Variants in PTK7 observed in about 807,000 individuals in gnomAD.
The protein encoded by PTK7 is inactive tyrosine-protein kinase 7.
In PTK7, 39 loss-of-function variants were observed where a neutral mutation model predicts 116.6. The observed-to-expected ratio is 0.33, with a 90% CI of 0.26 to 0.44. The LOEUF is 0.44. Among genes scored for constraint, PTK7 ranks in the 20% least tolerant of loss-of-function variants. PTK7 has a pLI of 1.00. For synonymous variants in PTK7, 546 were observed against 563.6 expected (o/e 0.97, Z 0.44); for missense variants, 1,169 against 1,425.6 (o/e 0.82, Z 2.90).
At chr6:43,157,365 T>TATATATATATATAAA (rs1554162298) in intron 17 of PTK7, among the ~76,000 whole-genome samples, 7 of 26,904 alleles carry the variant, frequency 2.6e-4, no homozygotes, top group African/African-American at 1.2e-3. Context: ...TATATATATA[T>TATATATATATATAAA]TTTTTTTTTT....
At chr6:43,136,004 G>T (rs182178271) in intron 7 of PTK7, among the ~76,000 whole-genome samples, 3 of 152,074 alleles carry the variant, frequency 2.0e-5, no homozygotes, top group Admixed American at 1.3e-4. Context: ...CCTGACCAAC[G>T]TGCTGAAACC....
chr6:43,093,319 A>G (rs905152876), intron 1 of PTK7, among the ~76,000 whole-genome samples: 1 of 151,148 alleles, frequency 6.6e-6, no homozygotes, highest in African/African-American at 2.4e-5. Flanking sequence ...TCTCCAGAGT[A>G]GCTGGGATTA....
At chr6:43,085,468 T>G (rs1348782344) in intron 1 of PTK7, among the ~76,000 whole-genome samples, 1 of 151,788 alleles carries the variant, frequency 6.6e-6, no homozygotes, top group Non-Finnish European at 1.5e-5. Flanking sequence ...AGGCTGGTCT[T>G]GAACTTCTGA....
chr6:43,077,256 C>T (rs1047578357), intron 1 of PTK7, among the ~76,000 whole-genome samples: 7 of 152,254 alleles, frequency 4.6e-5, no homozygotes, highest in Non-Finnish European at 8.8e-5. Flanking sequence ...CAGGCTGTCG[C>T]GGTGACTAAT....
intron 17 of PTK7, among the ~76,000 whole-genome samples, chr6:43,153,188 G>A: frequency 6.6e-6 from 1 of 151,904 alleles, no homozygotes. Context: ...TCGGCTCACT[G>A]CAAGCTCTGC....
chr6:43,084,979 T>C (rs1348698985), intron 1 of PTK7, among the ~76,000 whole-genome samples: 1 of 152,182 alleles, frequency 6.6e-6, no homozygotes, highest in African/African-American at 2.4e-5. Flanking sequence ...GATGAAGTAA[T>C]AGAAGAGACA....
intron 1 of PTK7, among the ~76,000 whole-genome samples, chr6:43,113,432 C>CAAAAAAA (rs374911644): frequency 6.9e-6 from 1 of 143,976 alleles, no homozygotes; most frequent in Non-Finnish European, 1.5e-5. Flanking sequence ...TACTCCATCT[C>CAAAAAAA]AAAAAAAAAA....
chr6:43,105,033 G>T (rs1374588995), intron 1 of PTK7, among the ~76,000 whole-genome samples: 1 of 150,274 alleles, frequency 6.7e-6, no homozygotes, highest in African/African-American at 2.4e-5. Context: ...GGATGGTCTC[G>T]ATCGCCTGAC....
chr6:43,129,468 G>T lies in PTK7; in HGVS notation c.367+204G>T, dbSNP rs779142810. 193 of 817,888 alleles carry T rather than the reference G, an allele frequency of 2.4e-4. No individual in the cohort carries two copies. The highest frequency in any genetic ancestry group is 3.4e-4 in the Non-Finnish European group (180 of 535,368). The allele number at this position is 817,888 out of a possible 1,614,324, so 50.7% of individuals were successfully genotyped here. A position where few individuals can be genotyped will look rare whatever the true frequency, so the allele number is the denominator to read the frequency against. On this transcript the variant is annotated intron_variant, in intron 2 of 19. Transcript: ENST00000230419. The surrounding 1 kb of genome is among the most constrained non-coding windows in gnomAD (Gnocchi z 4.5). ...CCAAAATTTTTTCCTTCAAGTCTGGGACCCATTTATCTGCTGCATGCTTGT... is the reference window on the plus strand; with the variant it reads ...CCAAAATTTTTTCCTTCAAGTCTGGTACCCATTTATCTGCTGCATGCTTGT...
At chr6:43,098,987 T>G (rs1206284764) in intron 1 of PTK7, among the ~76,000 whole-genome samples, 1 of 152,126 alleles carries the variant, frequency 6.6e-6, no homozygotes. Flanking sequence ...TTATTTTCAT[T>G]TATTTCAGTC....
Position 43,129,766 on chromosome 6 carries a change from C to T in PTK7, c.407C>T (p.Ser136Leu), listed in dbSNP as rs867468488. Residue 136 changes from serine (S) to leucine (L), a missense_variant, in exon 3 of 20, where the codon TCG becomes TTG. Around this residue, in one of 3 missense-constraint regions of PTK7, gnomAD observed 487 missense variants for 549.8 expected, o/e 0.89. Transcript: ENST00000230419. This position sits in a 1 kb window ranked among gnomAD's most constrained non-coding sequence, Gnocchi z 4.5. ...AGPVVLKHPA[S>L]EAEIQPQTQV... ...CCTGTGGTCCTGAAGCATCCAGCCT[C>T]GGAAGCTGAGATCCAGCCACAGACC... 15 of 1,614,062 alleles carry T rather than the reference C, an allele frequency of 9.3e-6. No homozygotes were observed. Among genetic ancestry groups the T allele is most frequent in the South Asian group, 7.7e-5 (7 of 91,086 alleles).
chr6:43,103,556 G>A (rs950099033), intron 1 of PTK7, among the ~76,000 whole-genome samples: 2 of 152,138 alleles, frequency 1.3e-5, no homozygotes, highest in Admixed American at 6.6e-5. Flanking sequence ...AAGGATCGGA[G>A]TCAAATATGC....
At chr6:43,104,326 A>G (rs1240318192) in intron 1 of PTK7, among the ~76,000 whole-genome samples, 2 of 152,216 alleles carry the variant, frequency 1.3e-5, no homozygotes, top group Admixed American at 6.5e-5. Context: ...GGTGGGGGAG[A>G]AATTTAGCTA....
At position 43,102,558 on chromosome 6, in the gene PTK7, C is replaced by T. The variant is rs138704374; in HGVS notation, c.79+25991C>T. ...GCATTGAGATCCTACCACTGCATTC[C>T]AGCCTGGGCAACAGAGCAAGACTTT... On this transcript the variant is annotated intron_variant, in intron 1 of 19. Coordinates refer to ENST00000230419, the MANE Select transcript of PTK7 (RefSeq NM_002821.5). Among the ~76,000 whole-genome samples the T allele has an allele frequency of 4.0e-4, 61 of 151,664 alleles. No individual in the cohort carries two copies. The East Asian group carries it at 9.1e-3, about 23-fold the overall frequency.
At position 43,141,777 on chromosome 6, in the gene PTK7, G is replaced by T. The variant is rs374951510; in HGVS notation, c.1728G>T (p.Pro576=). ...ACACTTGCATTGCCTCCAACGGGCC[G>T]CAGGGCCAGATTCGTGCCCATGTCC... ...GNYTCIASNG[P]QGQIRAHVQL... Residue 576 remains proline (P), a synonymous_variant, in exon 11 of 20, where the codon CCG becomes CCT. Coordinates refer to ENST00000230419, the MANE Select transcript of PTK7 (RefSeq NM_002821.5). This position sits in a 1 kb window ranked among gnomAD's most constrained non-coding sequence, Gnocchi z 4.9. The T allele has an allele frequency of 1.2e-6, 2 of 1,614,024 alleles. No individual in the cohort carries two copies. The highest frequency in any genetic ancestry group is 1.7e-5 in the Admixed American group (1 of 60,016).
intron 1 of PTK7, among the ~76,000 whole-genome samples, chr6:43,086,173 C>CTG (rs1465009253): frequency 6.6e-6 from 1 of 152,150 alleles, no homozygotes; most frequent in Non-Finnish European, 1.5e-5. Context: ...GGGTAGTGAA[C>CTG]TGTGCTTCAG....
At chr6:43,104,803 C>A (rs1214620018) in intron 1 of PTK7, among the ~76,000 whole-genome samples, 1 of 142,706 alleles carries the variant, frequency 7.0e-6, no homozygotes, top group Non-Finnish European at 1.5e-5. Flanking sequence ...CGTAAATTAG[C>A]ACAACTTTTT....
intron 1 of PTK7, among the ~76,000 whole-genome samples, chr6:43,083,221 G>A (rs752861498): frequency 1.3e-5 from 2 of 152,260 alleles, no homozygotes; most frequent in Non-Finnish European, 2.9e-5. Flanking sequence ...CTCAGTAGAT[G>A]CCTCTCTGCT....
At chr6:43,159,585 A>G in intron 18 of PTK7, 1 of 592,280 alleles carries the variant, frequency 1.7e-6, no homozygotes, top group Non-Finnish European at 3.0e-6. Context: ...AAATTTTTTA[A>G]CCATCAAACC....
Sources: gnomAD v4.1 joint callset for allele counts (sites outside exome capture counted in the v4.1 genomes callset) on GRCh38, gnomAD v4.1.1 for gene constraint, gnomAD v4.1.1 regional missense constraint, Gnocchi (gnomAD v3.1) non-coding constraint, MANE v1.5 for transcripts, NCBI Gene and HGNC (gene_info 2026-07-23, HGNC 2026-07-21) for gene names.